The following KALRN variants were observed in gnomAD, a reference collection of about 807,000 sequenced individuals.
KALRN encodes the protein kalirin RhoGEF kinase, also known as kalirin.
KALRN carries 70 observed loss-of-function variants against 353.7 expected under a neutral mutation model. The ratio of observed to expected loss-of-function variants is 0.20; its 90% confidence interval spans 0.16 to 0.24. KALRN has a LOEUF of 0.24. Among genes scored for constraint, KALRN ranks in the 10% least tolerant of loss-of-function variants. The probability of loss-of-function intolerance (pLI) is 1.00; values close to 1 mark genes in which losing one functional copy is unlikely to be tolerated. For missense variants in KALRN, 2,791 were observed against 3,756.7 expected (o/e 0.74, Z 6.72); for synonymous variants, 1,391 against 1,434.8 (o/e 0.97, Z 0.69).
chr3:124,042,046 A>G (rs1234332066), intron 1 of KALRN, among the ~76,000 whole-genome samples: 1 of 152,224 alleles, frequency 6.6e-6, no homozygotes, highest in African/African-American at 2.4e-5. Flanking sequence ...GACGCTTTGT[A>G]CACTTAAGGG....
At chr3:124,618,954 C>T (rs2078962022) in intron 34 of KALRN, among the ~76,000 whole-genome samples, 1 of 152,106 alleles carries the variant, frequency 6.6e-6, no homozygotes, top group Admixed American at 6.6e-5. Flanking sequence ...TCTTGTTTGT[C>T]TATTTTAAAA....
rs1278497649 is a variant in KALRN at position 124,721,903 on chromosome 3, A to G, written c.*2433A>G. 4 of 152,306 alleles carry G rather than the reference A, an allele frequency of 2.6e-5. No individual in the cohort carries two copies. Among genetic ancestry groups the G allele is most frequent in the African/African-American group, 9.6e-5 (4 of 41,458 alleles). The allele number at this position is 152,306 out of a possible 1,614,324, so 9.4% of individuals were successfully genotyped here. A position where few individuals can be genotyped will look rare whatever the true frequency, so the allele number is the denominator to read the frequency against. On this transcript the variant is annotated 3_prime_UTR_variant, in exon 60 of 60. Transcript: ENST00000682506. ...AAACCGGAAGGCGGAGGTTGCCGTG[A>G]GCCGAGATTGCACCACTGCACTCTA...
intron 1 of KALRN, chr3:124,151,880 T>C (rs891681512): frequency 2.2e-5 from 12 of 542,854 alleles, no homozygotes; most frequent in Non-Finnish European, 3.3e-5. Flanking sequence ...GAGAGGTTAT[T>C]ATTACTATTT....
intron 5 of KALRN, among the ~76,000 whole-genome samples, chr3:124,293,291 T>A (rs900082129): frequency 6.6e-6 from 1 of 152,200 alleles, no homozygotes; most frequent in Non-Finnish European, 1.5e-5. Flanking sequence ...AATTAGAGTA[T>A]AAAATACTAA....
chr3:124,452,551 A>G (rs995529573), intron 21 of KALRN, among the ~76,000 whole-genome samples: 4 of 152,130 alleles, frequency 2.6e-5, no homozygotes, highest in Non-Finnish European at 4.4e-5. Context: ...AGGGCATTCA[A>G]TTGAGAGTGG....
chr3:124,563,155 T>C, intron 34 of KALRN, 66 bp downstream of exon 34: 1 of 1,320,650 alleles, frequency 7.6e-7, no homozygotes, highest in South Asian at 1.2e-5. Flanking sequence ...TGACTCTAGC[T>C]GAAGACCACC....
Position 124,385,274 on chromosome 3 carries a change from T to C in KALRN, c.1962+238T>C, listed in dbSNP as rs183293004. On this transcript the variant is annotated intron_variant, in intron 11 of 59. Coordinates refer to ENST00000682506, the MANE Select transcript of KALRN (RefSeq NM_001388419.1). The stretch of plus-strand genomic sequence containing the variant: ...AAGGGGTCATGGAGACAGGTGGTTT[T>C]CGGGGCATCTGCTAGAGCATGCAAT... Among the ~76,000 whole-genome samples, 10 of 152,288 alleles carry C rather than the reference T, an allele frequency of 6.6e-5. No individual in the cohort carries two copies. The East Asian group carries it at 1.9e-3, about 29-fold the overall frequency.
chr3:124,518,635 G>C (rs1213814909), intron 33 of KALRN: 2 of 1,478,420 alleles, frequency 1.4e-6, no homozygotes, highest in Non-Finnish European at 1.8e-6. Flanking sequence ...CCCCGCCTGG[G>C]CCATGGGCTC....
chr3:124,294,948 T>C (rs1243337763), intron 5 of KALRN, among the ~76,000 whole-genome samples: 1 of 152,230 alleles, frequency 6.6e-6, no homozygotes, highest in East Asian at 1.9e-4. Context: ...TTTTCCACAG[T>C]CTCATGTGGA....
intron 57 of KALRN, among the ~76,000 whole-genome samples, chr3:124,708,971 CA>C (rs1164193966): frequency 4.6e-5 from 7 of 152,002 alleles, no homozygotes; most frequent in African/African-American, 1.4e-4. Flanking sequence ...ACAGCAGAAC[CA>C]ACATCTTTAA....
At chr3:124,080,716 CAT>C (rs2060498182) in intron 1 of KALRN, among the ~76,000 whole-genome samples, 1 of 152,162 alleles carries the variant, frequency 6.6e-6, no homozygotes, top group Non-Finnish European at 1.5e-5. Context: ...GTGAGTGATA[CAT>C]ATATGTTTAT....
chr3:124,586,591 G>A (rs2075213720), intron 34 of KALRN, among the ~76,000 whole-genome samples: 2 of 152,248 alleles, frequency 1.3e-5, no homozygotes, highest in Non-Finnish European at 2.9e-5. Context: ...TGTGAAGGCA[G>A]TGGCTGCTGG....
chr3:124,478,289 A>AT (rs554956053), intron 27 of KALRN, among the ~76,000 whole-genome samples: 9 of 152,244 alleles, frequency 5.9e-5, no homozygotes, highest in African/African-American at 1.7e-4. Context: ...ACCTGTTTTC[A>AT]TTTTTTTCAT....
At chr3:124,306,896 C>G (rs911826855) in intron 6 of KALRN, among the ~76,000 whole-genome samples, 6 of 152,084 alleles carry the variant, frequency 3.9e-5, no homozygotes, top group Non-Finnish European at 8.8e-5. Context: ...CTATATCCAA[C>G]AAAACTATCA....
chr3:124,233,892 T>G (rs980187633), intron 2 of KALRN, among the ~76,000 whole-genome samples: 7 of 152,238 alleles, frequency 4.6e-5, no homozygotes, highest in African/African-American at 1.7e-4. Context: ...CAGTGCCCTG[T>G]AAGGTCATAG....
intron 1 of KALRN, among the ~76,000 whole-genome samples, chr3:124,105,103 A>G (rs1009654710): frequency 7.9e-5 from 12 of 152,168 alleles, no homozygotes; most frequent in Non-Finnish European, 1.8e-4. Context: ...GATGTGAAGG[A>G]AGCATTGGCC....
chr3:124,420,384 GC>G (rs2092723547), intron 14 of KALRN, among the ~76,000 whole-genome samples: 1 of 152,196 alleles, frequency 6.6e-6, no homozygotes, highest in South Asian at 2.1e-4. Flanking sequence ...CAACAAATCC[GC>G]ATCAAGACTG....
chr3:124,460,194 A>G lies in KALRN; in HGVS notation c.3855-1696A>G, dbSNP rs2059710423. 2.6e-5 allele frequency among the ~76,000 whole-genome samples: 4 copies of G among 152,192 alleles called. No individual in the cohort carries two copies. In the South Asian group the frequency reaches 8.3e-4, roughly 31 times the overall value. ...CAGTACTGCAGTGATACTGTTTCCA[A>G]ATAAGACCAAAATCTGAGGTATTGG... is the stretch of plus-strand genomic sequence containing the variant. On this transcript the variant is annotated intron_variant, in intron 23 of 59. Coordinates refer to ENST00000682506, the MANE Select transcript of KALRN (RefSeq NM_001388419.1).
chr3:124,252,107 A>T (rs566457634), intron 3 of KALRN, among the ~76,000 whole-genome samples: 2 of 152,332 alleles, frequency 1.3e-5, no homozygotes, highest in Admixed American at 6.5e-5. Flanking sequence ...GACAAGGAGT[A>T]GTTCCTAGAC....
Sources: allele counts gnomAD v4.1 joint callset (sites outside exome capture counted in the v4.1 genomes callset), GRCh38; gene constraint gnomAD v4.1.1; transcripts MANE v1.5; gene names NCBI Gene and HGNC (gene_info 2026-07-23, HGNC 2026-07-21).